The following DGKI variants were observed in gnomAD, a reference collection of about 807,000 sequenced individuals.
DGKI encodes the protein diacylglycerol kinase iota.
DGKI carries 55 observed loss-of-function variants against 147.5 expected under a neutral mutation model. That is an observed-to-expected ratio of 0.37 (90% CI 0.30 to 0.47). The LOEUF (loss-of-function observed/expected upper bound fraction) is 0.47, where lower values mean the gene tolerates loss of function less well. DGKI is among the 20% of genes least tolerant of loss of function. The pLI is 1.00. For synonymous variants in DGKI, 469 were observed against 477.1 expected, an observed-to-expected ratio of 0.98 and a Z score of 0.22; for missense variants, 1,007 against 1,323.8, an observed-to-expected ratio of 0.76 and a Z score of 3.71.
chr7:137,429,425 C>T (rs1286689287), intron 28 of DGKI, among the ~76,000 whole-genome samples: 6 of 151,800 alleles, frequency 4.0e-5, no homozygotes, highest in Non-Finnish European at 7.4e-5. Context: ...AAGACTTAAA[C>T]GTTAGACCTA....
At position 137,487,668 on chromosome 7, in the gene DGKI, A is replaced by G. The variant is rs1412428619; in HGVS notation, c.2270T>C (p.Val757Ala). 3.7e-6 allele frequency: 6 copies of G among 1,613,792 alleles called. No homozygotes were observed. The highest frequency in any genetic ancestry group is 1.6e-4 in the Middle Eastern group (1 of 6,062). ...REASIPLGIL[V>A]VRGDCDLETC... ...CTCCAAATCACAGTCTCCACGCACA[A>G]CTAGAATACCCAGAGGTATCGCTAA... The change falls in exon 22 of 33, where the codon GTT becomes GCT. Residue 757 changes from valine to alanine, a missense_variant. Physicochemically the swap from Val to Ala is moderately conservative, Grantham distance 64. Coordinates refer to ENST00000614521, the MANE Select transcript of DGKI (RefSeq NM_001321708.2).
At chr7:137,653,143 T>TGC (rs886430544) in intron 5 of DGKI, among the ~76,000 whole-genome samples, 6 of 152,094 alleles carry the variant, frequency 3.9e-5, no homozygotes, top group African/African-American at 7.3e-5. Context: ...TGTGTGTGTG[T>TGC]GCGCGCGCGT....
At chr7:137,494,384 G>GA (rs1815884015) in intron 21 of DGKI, among the ~76,000 whole-genome samples, 1 of 151,914 alleles carries the variant, frequency 6.6e-6, no homozygotes, top group African/African-American at 2.4e-5. Flanking sequence ...ATTCTCCAAG[G>GA]AAAAAATGAA....
At chr7:137,776,802 G>A (rs1387263734) in intron 1 of DGKI, among the ~76,000 whole-genome samples, 2 of 152,152 alleles carry the variant, frequency 1.3e-5, no homozygotes, top group African/African-American at 2.4e-5. Flanking sequence ...GTATGTGGGA[G>A]AGGCTCAAAG....
At chr7:137,778,112 T>C (rs1217486548) in intron 1 of DGKI, among the ~76,000 whole-genome samples, 1 of 152,128 alleles carries the variant, frequency 6.6e-6, no homozygotes, top group African/African-American at 2.4e-5. Context: ...AACAAAAACA[T>C]TAGGAAAATA....
rs576232490 is a variant in DGKI, at chr7:137,459,677, T to C, written c.2735+3812A>G. 3.8e-4 allele frequency among the ~76,000 whole-genome samples: 58 copies of C among 152,070 alleles called. 1 individual carries two copies. The highest frequency in any genetic ancestry group is 1.4e-3 in the African/African-American group (58 of 41,500). On this transcript the variant is annotated intron_variant, in intron 27 of 32. Transcript: ENST00000614521. ...TTTTAGTAGAGACGGGGTTTCACCA[T>C]GTTAGCCAGGATGGTCTTGATCTCC...
intron 1 of DGKI, among the ~76,000 whole-genome samples, chr7:137,723,321 T>C (rs1403652318): frequency 2.0e-5 from 3 of 152,228 alleles, no homozygotes; most frequent in African/African-American, 7.2e-5. Flanking sequence ...AACACATTTA[T>C]ATGTGCAAAC....
intron 6 of DGKI, among the ~76,000 whole-genome samples, chr7:137,633,205 T>C (rs1290025134): frequency 8.4e-6 from 1 of 119,354 alleles, no homozygotes; most frequent in African/African-American, 3.5e-5. Context: ...AGAGCGAAAC[T>C]CGTTCTCAAA....
At chr7:137,777,359 C>T (rs1347996456) in intron 1 of DGKI, among the ~76,000 whole-genome samples, 1 of 152,048 alleles carries the variant, frequency 6.6e-6, no homozygotes, top group Non-Finnish European at 1.5e-5. Context: ...GAAAGAATCT[C>T]CATAAAAAGT....
intron 31 of DGKI, among the ~76,000 whole-genome samples, chr7:137,396,907 A>G (rs578227414): frequency 3.1e-4 from 47 of 152,356 alleles, no homozygotes; most frequent in African/African-American, 1.1e-3. Context: ...AAATAGAGTG[A>G]CTATGTTCTC....
At chr7:137,726,072 C>T (rs1794709147) in intron 1 of DGKI, among the ~76,000 whole-genome samples, 1 of 152,158 alleles carries the variant, frequency 6.6e-6, no homozygotes, top group South Asian at 2.1e-4. Context: ...CTCCCACTGC[C>T]TGCTCTATAT....
chr7:137,759,656 T>C (rs545161521), intron 1 of DGKI, among the ~76,000 whole-genome samples: 11 of 152,278 alleles, frequency 7.2e-5, no homozygotes, highest in African/African-American at 2.4e-4. Context: ...TACATTCTTA[T>C]TGATAGAGAT....
At chr7:137,743,855 C>T (rs954539628) in intron 1 of DGKI, among the ~76,000 whole-genome samples, 30 of 151,688 alleles carry the variant, frequency 2.0e-4, no homozygotes, top group African/African-American at 6.3e-4. Flanking sequence ...TGGTGGCAGG[C>T]GCCTGTAGTC....
chr7:137,835,910 C>T (rs1416369581), intron 1 of DGKI, among the ~76,000 whole-genome samples: 3 of 152,200 alleles, frequency 2.0e-5, no homozygotes, highest in Non-Finnish European at 4.4e-5. Context: ...CCTTATGGCA[C>T]ATGGCCTTGG....
intron 1 of DGKI, among the ~76,000 whole-genome samples, chr7:137,796,291 A>T (rs112068487): frequency 6.6e-6 from 1 of 152,302 alleles, no homozygotes; most frequent in Non-Finnish European, 1.5e-5. Flanking sequence ...TGAGGTCAAG[A>T]GTTCAAGACC....
chr7:137,531,773 A>T (rs771379516), intron 20 of DGKI, among the ~76,000 whole-genome samples: 8 of 152,208 alleles, frequency 5.3e-5, no homozygotes, highest in Non-Finnish European at 1.0e-4. Context: ...AAGGGTGTGG[A>T]TGAAGTGTTA....
chr7:137,661,705 C>T lies in DGKI; in HGVS notation c.607-5165G>A, dbSNP rs372021605. On this transcript the variant is annotated intron_variant, in intron 3 of 32. Coordinates refer to ENST00000614521, the MANE Select transcript of DGKI (RefSeq NM_001321708.2). ...AGGCCAGGAGAGTGCTCTCCTCCTC[C>T]CCCTTCTCCTTCCCTTTTAGACCAC... 1.8e-4 allele frequency among the ~76,000 whole-genome samples: 27 copies of T among 152,284 alleles called. 1 individual carries two copies. In the South Asian group the frequency reaches 4.8e-3, roughly 27 times the overall value.
chr7:137,826,164 T>G (rs1399815377), intron 1 of DGKI, among the ~76,000 whole-genome samples: 2 of 152,240 alleles, frequency 1.3e-5, no homozygotes, highest in African/African-American at 4.8e-5. Context: ...TATTTTTTCC[T>G]GCCTGTTAAT....
intron 19 of DGKI, among the ~76,000 whole-genome samples, chr7:137,563,979 C>T (rs368273694): frequency 1.3e-5 from 2 of 152,054 alleles, no homozygotes; most frequent in Admixed American, 6.6e-5. Context: ...AAGGAAAACA[C>T]TGTTAGAACA....
Sources: gnomAD v4.1 joint callset for allele counts (sites outside exome capture counted in the v4.1 genomes callset) on GRCh38, gnomAD v4.1.1 for gene constraint, MANE v1.5 for transcripts, NCBI Gene and HGNC (gene_info 2026-07-23, HGNC 2026-07-21) for gene names.